The following GALNT18 variants were observed in gnomAD, a reference collection of about 807,000 sequenced individuals.
GALNT18 encodes the protein GalNAc-transferase 18.
In GALNT18, 44 loss-of-function variants were observed where a neutral mutation model predicts 69.5. That is an observed-to-expected ratio of 0.63 (90% CI 0.50 to 0.81). The LOEUF is 0.81. Ranked by LOEUF, GALNT18 falls within the 40% of genes least tolerant of loss-of-function variation. GALNT18 has a pLI of 0.00. For missense variants in GALNT18, 715 were observed against 810.0 expected, an observed-to-expected ratio of 0.88 and a Z score of 1.42; for synonymous variants, 364 against 318.2, an observed-to-expected ratio of 1.14 and a Z score of -1.53.
intron 3 of GALNT18, among the ~76,000 whole-genome samples, chr11:11,391,497 G>T (rs901799821): frequency 6.6e-6 from 1 of 152,196 alleles, no homozygotes; most frequent in Admixed American, 6.5e-5. Context: ...CATTTAATGG[G>T]CATCCACCCA....
intron 10 of GALNT18, among the ~76,000 whole-genome samples, chr11:11,275,027 T>C (rs1324769940): frequency 1.3e-5 from 2 of 152,224 alleles, no homozygotes; most frequent in Non-Finnish European, 2.9e-5. Flanking sequence ...TGGGTCTTTA[T>C]AGAATGATTT....
intron 3 of GALNT18, among the ~76,000 whole-genome samples, chr11:11,391,595 T>C (rs538594244): frequency 1.6e-4 from 25 of 152,242 alleles, no homozygotes; most frequent in Admixed American, 3.3e-4. Context: ...GCTAATGCTA[T>C]CTTTTTTTCT....
At chr11:11,399,582 G>A (rs1189399476) in intron 3 of GALNT18, among the ~76,000 whole-genome samples, 1 of 152,308 alleles carries the variant, frequency 6.6e-6, no homozygotes, top group South Asian at 2.1e-4. Context: ...AAACAGTAAC[G>A]ATATAAAACT....
chr11:11,312,481 A>C (rs1462910415), intron 9 of GALNT18, among the ~76,000 whole-genome samples: 1 of 152,210 alleles, frequency 6.6e-6, no homozygotes, highest in Non-Finnish European at 1.5e-5. Flanking sequence ...CTTTCCAAAG[A>C]ATGGTGGGTG....
In GALNT18 at chr11:11,418,608, C is replaced by G. The variant is rs117626440; in HGVS notation, c.595+14013G>C. 3.3e-5 allele frequency among the ~76,000 whole-genome samples: 5 copies of G among 152,312 alleles called. No homozygotes were observed. In the East Asian group the frequency reaches 9.7e-4, roughly 29 times the overall value. ...CACCTGTGGCTCATGGCACTCAGCA[C>G]TTTGCTTTGTGTGCTTTGCTTATTT... On this transcript the variant is annotated intron_variant, in intron 3 of 10. Coordinates refer to ENST00000227756, the MANE Select transcript of GALNT18 (RefSeq NM_198516.3).
intron 1 of GALNT18, among the ~76,000 whole-genome samples, chr11:11,534,909 C>T (rs1857741345): frequency 6.6e-6 from 1 of 152,266 alleles, no homozygotes; most frequent in Non-Finnish European, 1.5e-5. Context: ...CTGCTCATGT[C>T]CCCTGCAGCA....
At position 11,583,239 on chromosome 11, in the gene GALNT18, T is replaced by G. The variant is rs990661508; in HGVS notation, c.235+38120A>C. On this transcript the variant is annotated intron_variant, in intron 1 of 10. Transcript: ENST00000227756. The surrounding 1 kb of genome is among the most constrained non-coding windows in gnomAD (Gnocchi z 4.7). ...AGCCAATTCCACCCTGGTCTCCTAT[T>G]TCTGGCAAGACCATCCTGGGGCTAT... is the stretch of plus-strand genomic sequence containing the variant. 6.6e-6 allele frequency among the ~76,000 whole-genome samples: 1 copy of G among 152,164 alleles called. No homozygotes were observed. The highest frequency in any genetic ancestry group is 1.5e-5 in the Non-Finnish European group (1 of 68,024).
At chr11:11,473,298 G>A (rs553023614) in intron 1 of GALNT18, among the ~76,000 whole-genome samples, 91 of 152,260 alleles carry the variant, frequency 6.0e-4, no homozygotes, top group African/African-American at 2.0e-3. Context: ...TATTTATTGA[G>A]CAATCAAATG....
At position 11,573,711 on chromosome 11, in the gene GALNT18, G is replaced by A. The variant is rs1858850260; in HGVS notation, c.235+47648C>T. 1 of 152,198 alleles carries A rather than the reference G, an allele frequency of 6.6e-6. No individual in the cohort carries two copies. The highest frequency in any genetic ancestry group is 1.5e-5 in the Non-Finnish European group (1 of 68,046). The allele number at this position is 152,198 out of a possible 1,614,324, so 9.4% of individuals were successfully genotyped here. On this transcript the variant is annotated intron_variant, in intron 1 of 10. Coordinates refer to ENST00000227756, the MANE Select transcript of GALNT18 (RefSeq NM_198516.3). This position sits in a 1 kb window ranked among gnomAD's most constrained non-coding sequence, Gnocchi z 4.6. ...TCTCCAGCCAAAAGCTTCATGAGAT[G>A]GAAGGGGATATCCTATCTCCTATAT...
At chr11:11,355,618 G>A (rs1237954624) in intron 6 of GALNT18, among the ~76,000 whole-genome samples, 1 of 152,070 alleles carries the variant, frequency 6.6e-6, no homozygotes, top group Non-Finnish European at 1.5e-5. Context: ...CCTGATTTTA[G>A]AAACACTGAA....
At position 11,340,707 on chromosome 11, in the gene GALNT18, C is replaced by T. The variant is rs542756358; in HGVS notation, c.1278+112G>A. The T allele has an allele frequency of 7.9e-6, 8 of 1,017,854 alleles. No individual in the cohort carries two copies. In the East Asian group the frequency reaches 1.3e-4, roughly 16 times the overall value. 63.1% of individuals were successfully genotyped at this position (1,017,854 alleles called of 1,614,324 possible). On this transcript the variant is annotated intron_variant, in intron 7 of 10. Coordinates refer to ENST00000227756, the MANE Select transcript of GALNT18 (RefSeq NM_198516.3). This position sits in a 1 kb window ranked among gnomAD's most constrained non-coding sequence, Gnocchi z 4.2. ...TTTTGGGGTTGAGAGTCCATTCTTGCATGGCAAACAGGACTCTGGCTGACC... is the reference window on the plus strand; with the variant it reads ...TTTTGGGGTTGAGAGTCCATTCTTGTATGGCAAACAGGACTCTGGCTGACC...
intron 1 of GALNT18, among the ~76,000 whole-genome samples, chr11:11,560,975 C>T (rs4076181): frequency 0.32 from 48,613 of 152,058 alleles, 8,406 homozygotes; most frequent in East Asian, 0.47. Context: ...CACACTTCTG[C>T]CATGGAAAAC....
intron 3 of GALNT18, among the ~76,000 whole-genome samples, chr11:11,414,512 A>T (rs186335137): frequency 6.6e-6 from 1 of 152,188 alleles, no homozygotes; most frequent in East Asian, 1.9e-4. Context: ...TGCTCTTCAC[A>T]TGGCTCTCTC....
chr11:11,419,335 G>A (rs1854940074), intron 3 of GALNT18, among the ~76,000 whole-genome samples: 2 of 152,030 alleles, frequency 1.3e-5, no homozygotes, highest in African/African-American at 4.8e-5. Context: ...GGTGGCTCAC[G>A]CCTGTAATCT....
rs1184808386 is a variant in GALNT18, at chr11:11,430,471, T to A, written c.595+2150A>T. On this transcript the variant is annotated intron_variant, in intron 3 of 10. Coordinates refer to ENST00000227756, the MANE Select transcript of GALNT18 (RefSeq NM_198516.3). This position sits in a 1 kb window ranked among gnomAD's most constrained non-coding sequence, Gnocchi z 4.9. ...ATGCAGTTGTGATGACAAGTACAGC[T>A]TTGTGTAACCAACACCACAATCAAG... is the stretch of plus-strand genomic sequence containing the variant. 2.0e-5 allele frequency among the ~76,000 whole-genome samples: 3 copies of A among 152,238 alleles called. No homozygotes were observed. The highest frequency in any genetic ancestry group is 4.4e-5 in the Non-Finnish European group (3 of 68,046).
rs1857951111 is a variant in GALNT18 at position 11,542,479 on chromosome 11, A to G, written c.235+78880T>C. Among the ~76,000 whole-genome samples the G allele has an allele frequency of 6.6e-6, 1 of 152,260 alleles. No homozygotes were observed. On this transcript the variant is annotated intron_variant, in intron 1 of 10. Transcript: ENST00000227756. The surrounding 1 kb of genome is among the most constrained non-coding windows in gnomAD (Gnocchi z 4.3). ...GCACATGCAATTCTTCAATGAATGAATGAAGAAATCATCACGTGCTTCTCA... is the reference window on the plus strand; with the variant it reads ...GCACATGCAATTCTTCAATGAATGAGTGAAGAAATCATCACGTGCTTCTCA...
intron 3 of GALNT18, among the ~76,000 whole-genome samples, chr11:11,420,964 G>A (rs1288979868): frequency 1.3e-5 from 2 of 151,986 alleles, no homozygotes; most frequent in Admixed American, 6.5e-5. Context: ...ATCAAAAACT[G>A]GTCACCTTGG....
At chr11:11,346,040 C>T (rs527535843) in intron 6 of GALNT18, among the ~76,000 whole-genome samples, 13 of 152,330 alleles carry the variant, frequency 8.5e-5, no homozygotes, top group South Asian at 2.1e-4. Context: ...TGCTATCGCA[C>T]GTCCTGAATA....
At chr11:11,565,903 G>A (rs1858639008) in intron 1 of GALNT18, among the ~76,000 whole-genome samples, 1 of 152,212 alleles carries the variant, frequency 6.6e-6, no homozygotes, top group African/African-American at 2.4e-5. Context: ...AGACAGTGTA[G>A]AGAAGTGTTT....
Sources: gnomAD v4.1 joint callset for allele counts (sites outside exome capture counted in the v4.1 genomes callset) on GRCh38, gnomAD v4.1.1 for gene constraint, Gnocchi (gnomAD v3.1) non-coding constraint, MANE v1.5 for transcripts, NCBI Gene and HGNC (gene_info 2026-07-23, HGNC 2026-07-21) for gene names.